Variants in CANT1 observed in about 807,000 individuals in gnomAD.
The protein encoded by CANT1 is calcium activated nucleotidase 1.
CANT1 carries 26 observed loss-of-function variants against 30.0 expected under a neutral mutation model. The ratio of observed to expected loss-of-function variants is 0.87; its 90% CI spans 0.64 to 1.20. CANT1 has a LOEUF of 1.20. Among genes scored for constraint, CANT1 ranks in the 50% most tolerant of loss-of-function variants. The pLI, the probability that CANT1 is intolerant of heterozygous loss-of-function variation, is 0.00. For synonymous variants in CANT1, 246 were observed against 251.8 expected (o/e 0.98, Z 0.22); for missense variants, 518 against 563.0 (o/e 0.92, Z 0.81).
In CANT1 at chr17:78,993,872, C is replaced by G; in HGVS notation, c.884G>C (p.Trp295Ser). The change falls in exon 5 of 5, where the codon TGG (tryptophan) becomes TCG (serine). Residue 295 changes from tryptophan (W) to serine (S), a missense_variant. Physicochemically the swap from Trp to Ser is radical, Grantham distance 177 (BLOSUM62 -3). Coordinates refer to ENST00000392446, the MANE Select transcript of CANT1 (RefSeq NM_001159773.2). The surrounding 1 kb of genome is among the most constrained non-coding windows in gnomAD (Gnocchi z 4.5). The part of the protein sequence containing the change: ...SACWSDTLQR[W>S]FFLPRRASQE... Reference sequence around the variant, plus strand: ...GCTGGCGCGGCGCGGCAGGAAGAACCAGCGCTGCAGCGTGTCACTCCAGCA... The same window carrying G: ...GCTGGCGCGGCGCGGCAGGAAGAACGAGCGCTGCAGCGTGTCACTCCAGCA... 1 of 1,594,162 alleles carries G rather than the reference C, an allele frequency of 6.3e-7. No individual in the cohort carries two copies. The highest frequency in any genetic ancestry group is 1.3e-5 in the African/African-American group (1 of 74,852).
chr17:78,995,184 A>G lies in CANT1; in HGVS notation c.669T>C (p.Arg223=). 1 of 1,613,810 alleles carries G rather than the reference A, an allele frequency of 6.2e-7. No homozygotes were observed. Among genetic ancestry groups the G allele is most frequent in the Non-Finnish European group, 8.5e-7 (1 of 1,180,002 alleles). Residue 223 remains arginine (R), a synonymous_variant, in exon 4 of 5, where the codon CGT becomes CGC. Transcript: ENST00000392446. This position sits in a 1 kb window ranked among gnomAD's most constrained non-coding sequence, Gnocchi z 5.7. ...CCTTGCCCAGGCCGCCCACGTACAGACGCTCGTCCTTCACTGCCAGCCATT... is the reference window on the plus strand; with the variant it reads ...CCTTGCCCAGGCCGCCCACGTACAGGCGCTCGTCCTTCACTGCCAGCCATT... ...KAEWLAVKDE[R]LYVGGLGKEW...
rs2070872805 is a variant in CANT1 at position 78,992,465 on chromosome 17, G to A, written c.*1085C>T. On this transcript the variant is annotated 3_prime_UTR_variant, in exon 5 of 5. Transcript: ENST00000392446. ...CTGGAGTACACTCCAGCGAAGCCGA[G>A]GCCCAGCCAACGCTCGTGAAGTTTC... 4 of 371,142 alleles carry A rather than the reference G, an allele frequency of 1.1e-5. No individual in the cohort carries two copies. The highest frequency in any genetic ancestry group is 2.1e-5 in the Non-Finnish European group (4 of 192,288). 23.0% of individuals were successfully genotyped at this position (371,142 alleles called of 1,614,324 possible).
Position 78,996,876 on chromosome 17 carries a change from A to C in CANT1, c.631+116T>G. 1 of 1,431,250 alleles carries C rather than the reference A, an allele frequency of 7.0e-7. No homozygotes were observed. The highest frequency in any genetic ancestry group is 1.2e-5 in the South Asian group (1 of 86,892). The allele number at this position is 1,431,250 out of a possible 1,614,324, so 88.7% of individuals were successfully genotyped here. On this transcript the variant is annotated intron_variant, in intron 3 of 4. Coordinates refer to ENST00000392446, the MANE Select transcript of CANT1 (RefSeq NM_001159773.2). The surrounding 1 kb of genome is among the most constrained non-coding windows in gnomAD (Gnocchi z 5.1). ...GAGCAAGAGGGAGACGTGCTCCCTC[A>C]CCACATCCCTGGCTTCTAGGTGTGT...
Position 78,993,433 on chromosome 17 carries a change from G to A in CANT1, c.*117C>T. On this transcript the variant is annotated 3_prime_UTR_variant, in exon 5 of 5. Coordinates refer to ENST00000392446, the MANE Select transcript of CANT1 (RefSeq NM_001159773.2). The surrounding 1 kb of genome is among the most constrained non-coding windows in gnomAD (Gnocchi z 4.5). The stretch of plus-strand genomic sequence containing the variant: ...TATGGGGCCCGGGACTGGGCTCCCT[G>A]TCCAGACCTCCAACCCAGGCACAGT... 1.3e-6 allele frequency: 2 copies of A among 1,498,490 alleles called. No individual in the cohort carries two copies. Among genetic ancestry groups the A allele is most frequent in the East Asian group, 2.3e-5 (1 of 43,014 alleles). The allele number at this position is 1,498,490 out of a possible 1,614,324, so 92.8% of individuals were successfully genotyped here.
chr17:79,001,279 C>T (rs2071251287), intron 1 of CANT1, among the ~76,000 whole-genome samples: 1 of 152,158 alleles, frequency 6.6e-6, no homozygotes, highest in African/African-American at 2.4e-5. Context: ...CCTGTCAAAT[C>T]TCCGGCCCAC....
chr17:78,991,727 A>T lies in CANT1; in HGVS notation c.*1823T>A, dbSNP rs1003892803. On this transcript the variant is annotated 3_prime_UTR_variant, in exon 5 of 5. Transcript: ENST00000392446. ...GGGAGACAGAAAACTACACTCCCTCAGACGCTTTATTGTTTACAAAACAGA... is the reference window on the plus strand; with the variant it reads ...GGGAGACAGAAAACTACACTCCCTCTGACGCTTTATTGTTTACAAAACAGA... 3 of 206,442 alleles carry T rather than the reference A, an allele frequency of 1.5e-5. No individual in the cohort carries two copies. Among genetic ancestry groups the T allele is most frequent in the Non-Finnish European group, 3.0e-5 (3 of 101,160 alleles). 12.8% of individuals were successfully genotyped at this position (206,442 alleles called of 1,614,324 possible). A position where few individuals can be genotyped will look rare whatever the true frequency, so the allele number is the denominator to read the frequency against.
At position 78,995,360 on chromosome 17, in the gene CANT1, C is replaced by T. The variant is rs1259265696; in HGVS notation, c.632-139G>A. On this transcript the variant is annotated intron_variant, in intron 3 of 4. Coordinates refer to ENST00000392446, the MANE Select transcript of CANT1 (RefSeq NM_001159773.2). The surrounding 1 kb of genome is among the most constrained non-coding windows in gnomAD (Gnocchi z 5.7). ...CTCCACACCTGCCTCCCCTCCGGCCCGCACCTGGCTCCCGCCCAGGGCCGG... is the reference window on the plus strand; with the variant it reads ...CTCCACACCTGCCTCCCCTCCGGCCTGCACCTGGCTCCCGCCCAGGGCCGG... The T allele has an allele frequency of 6.8e-5, 63 of 922,370 alleles. No individual in the cohort carries two copies. The highest frequency in any genetic ancestry group is 3.2e-4 in the Middle Eastern group (1 of 3,144). The allele number at this position is 922,370 out of a possible 1,614,324, so 57.1% of individuals were successfully genotyped here.
chr17:79,003,231 T>C (rs1315902470), intron 1 of CANT1, among the ~76,000 whole-genome samples: 1 of 152,006 alleles, frequency 6.6e-6, no homozygotes, highest in Non-Finnish European at 1.5e-5. Context: ...TTCCAGAAAA[T>C]TCCTTTAACT....
rs1037335566 is a variant in CANT1 at position 78,998,907 on chromosome 17, G to A, written c.-146-944C>T. 6.6e-5 allele frequency among the ~76,000 whole-genome samples: 10 copies of A among 152,152 alleles called. No homozygotes were observed. Among genetic ancestry groups the A allele is most frequent in the Non-Finnish European group, 1.5e-4 (10 of 68,026 alleles). ...CAAACATGTGCCTTTATGGGCAGACGCTGTCCTCCCTGCCAGGGCGCCTGG... is the reference window on the plus strand; with the variant it reads ...CAAACATGTGCCTTTATGGGCAGACACTGTCCTCCCTGCCAGGGCGCCTGG... On this transcript the variant is annotated intron_variant, in intron 1 of 4. Coordinates refer to ENST00000392446, the MANE Select transcript of CANT1 (RefSeq NM_001159773.2). The surrounding 1 kb of genome is among the most constrained non-coding windows in gnomAD (Gnocchi z 4.5).
chr17:78,996,812 G>C lies in CANT1; in HGVS notation c.631+180C>G. 1 of 837,358 alleles carries C rather than the reference G, an allele frequency of 1.2e-6. No homozygotes were observed. The highest frequency in any genetic ancestry group is 1.3e-5 in the South Asian group (1 of 74,342). The allele number at this position is 837,358 out of a possible 1,614,324, so 51.9% of individuals were successfully genotyped here. ...AACTGCTCAGTGTGAAGTGACAGTA[G>C]GCTATGCTCCTGGCTAAGGGTAAGG... On this transcript the variant is annotated intron_variant, in intron 3 of 4. Coordinates refer to ENST00000392446, the MANE Select transcript of CANT1 (RefSeq NM_001159773.2). This position sits in a 1 kb window ranked among gnomAD's most constrained non-coding sequence, Gnocchi z 5.1.
rs74678399 is a variant in CANT1, at chr17:78,994,316, C to T, written c.836-396G>A. ...GGAAGAGGAGACAGCGTCTGGGGCC[C>T]CAGGCACAGACTCAGTCACTTCCTC... On this transcript the variant is annotated intron_variant, in intron 4 of 4. Coordinates refer to ENST00000392446, the MANE Select transcript of CANT1 (RefSeq NM_001159773.2). Among the ~76,000 whole-genome samples the T allele has an allele frequency of 1.3e-5, 2 of 152,182 alleles. 1 individual carries two copies. The highest frequency in any genetic ancestry group is 4.1e-4 in the South Asian group (2 of 4,826).
chr17:79,006,779 G>A (rs1568047415), intron 1 of CANT1, among the ~76,000 whole-genome samples: 1 of 152,120 alleles, frequency 6.6e-6, no homozygotes, highest in Non-Finnish European at 1.5e-5. Context: ...TGGGATCATC[G>A]CCCCATGGAC....
Position 79,002,230 on chromosome 17 carries a change from G to T in CANT1, c.-146-4267C>A, listed in dbSNP as rs577509479. On this transcript the variant is annotated intron_variant, in intron 1 of 4. Coordinates refer to ENST00000392446, the MANE Select transcript of CANT1 (RefSeq NM_001159773.2). The surrounding 1 kb of genome is among the most constrained non-coding windows in gnomAD (Gnocchi z 4.0). ...CAATTCTTCTTCCAATGTGGCCCAG[G>T]GAAGCCAAAAGATTGGACACCCCTG... Among the ~76,000 whole-genome samples, 4 of 152,254 alleles carry T rather than the reference G, an allele frequency of 2.6e-5. No individual in the cohort carries two copies. The highest frequency in any genetic ancestry group is 4.4e-5 in the Non-Finnish European group (3 of 68,010).
chr17:78,996,345 C>T lies in CANT1; in HGVS notation c.631+647G>A, dbSNP rs779310418. 1.3e-5 allele frequency among the ~76,000 whole-genome samples: 2 copies of T among 152,160 alleles called. No individual in the cohort carries two copies. The highest frequency in any genetic ancestry group is 3.9e-4 in the East Asian group (2 of 5,184). On this transcript the variant is annotated intron_variant, in intron 3 of 4. Coordinates refer to ENST00000392446, the MANE Select transcript of CANT1 (RefSeq NM_001159773.2). The surrounding 1 kb of genome is among the most constrained non-coding windows in gnomAD (Gnocchi z 5.1). ...GAGGAGCTGGCAGCTCCTCTGCCAGCGTCCTTGGCACCTCCCCAGCTCCTC... is the reference window on the plus strand; with the variant it reads ...GAGGAGCTGGCAGCTCCTCTGCCAGTGTCCTTGGCACCTCCCCAGCTCCTC...
At chr17:79,003,023 G>A (rs1340752792) in intron 1 of CANT1, among the ~76,000 whole-genome samples, 1 of 151,664 alleles carries the variant, frequency 6.6e-6, no homozygotes, top group African/African-American at 2.4e-5. Flanking sequence ...TGGGGAATCA[G>A]TGTGACGGAG....
chr17:78,992,202 C>T lies in CANT1; in HGVS notation c.*1348G>A, dbSNP rs970541749. ...AGGGGTCCCTCCTCGCTGCCCTCCTCGCAGCTGTGCTTGAGTTTCAAAGGG... is the reference window on the plus strand; with the variant it reads ...AGGGGTCCCTCCTCGCTGCCCTCCTTGCAGCTGTGCTTGAGTTTCAAAGGG... On this transcript the variant is annotated 3_prime_UTR_variant, in exon 5 of 5. Transcript: ENST00000392446. 17 of 232,756 alleles carry T rather than the reference C, an allele frequency of 7.3e-5. No homozygotes were observed. The highest frequency in any genetic ancestry group is 5.6e-4 in the Admixed American group (10 of 17,944). 14.4% of individuals were successfully genotyped at this position (232,756 alleles called of 1,614,324 possible).
At chr17:79,009,400 C>T (rs1478478418) in intron 1 of CANT1, among the ~76,000 whole-genome samples, 5 of 152,212 alleles carry the variant, frequency 3.3e-5, no homozygotes, top group South Asian at 4.1e-4. Flanking sequence ...ACGCTAGTCC[C>T]AGGGATGAGG....
chr17:78,999,119 G>A (rs2071149865), intron 1 of CANT1, among the ~76,000 whole-genome samples: 1 of 152,052 alleles, frequency 6.6e-6, no homozygotes. Context: ...CTTTCGGACA[G>A]TCCTAGGTTT....
intron 1 of CANT1, among the ~76,000 whole-genome samples, chr17:79,000,915 C>T (rs187522127): frequency 3.9e-5 from 6 of 152,336 alleles, no homozygotes; most frequent in Non-Finnish European, 7.4e-5. Flanking sequence ...GCACCTGACG[C>T]ACTGCCAGGC....
Sources: gnomAD v4.1 joint callset for allele counts (sites outside exome capture counted in the v4.1 genomes callset) on GRCh38, gnomAD v4.1.1 for gene constraint, Gnocchi (gnomAD v3.1) non-coding constraint, MANE v1.5 for transcripts, NCBI Gene and HGNC (gene_info 2026-07-23, HGNC 2026-07-21) for gene names.